Variants in NAV2 observed in about 807,000 individuals in gnomAD.
NAV2 encodes the protein helicase, APC down-regulated 1.
NAV2 carries 54 observed loss-of-function variants against 223.2 expected under a neutral mutation model. The observed-to-expected ratio is 0.24, with a 90% CI of 0.19 to 0.30. The LOEUF (loss-of-function observed/expected upper bound fraction) is 0.30, where lower values mean the gene tolerates loss of function less well. Among genes scored for constraint, NAV2 ranks in the 10% least tolerant of loss-of-function variants. NAV2 has a pLI of 1.00. For synonymous variants in NAV2, 1,279 were observed against 1,239.3 expected (o/e 1.03, Z -0.67); for missense variants, 2,806 against 3,147.5 (o/e 0.89, Z 2.60).
chr11:19,460,335 T>C, intron 1 of NAV2, among the ~76,000 whole-genome samples: 1 of 152,194 alleles, frequency 6.6e-6, no homozygotes. Context: ...TTCTGTGATT[T>C]TGGACAACTT....
intron 1 of NAV2, among the ~76,000 whole-genome samples, chr11:19,585,420 T>A (rs1230355414): frequency 6.6e-6 from 1 of 152,206 alleles, no homozygotes; most frequent in Non-Finnish European, 1.5e-5. Context: ...ATCCTGTCAT[T>A]ATGATATTAG....
chr11:19,782,247 C>G (rs2056807376), intron 1 of NAV2, among the ~76,000 whole-genome samples: 1 of 152,224 alleles, frequency 6.6e-6, no homozygotes, highest in East Asian at 1.9e-4. Flanking sequence ...GCCCTCATAG[C>G]CTTGATGTAC....
intron 3 of NAV2, among the ~76,000 whole-genome samples, chr11:19,856,071 C>G (rs377307103): frequency 1.3e-5 from 2 of 152,160 alleles, no homozygotes; most frequent in African/African-American, 4.8e-5. Flanking sequence ...TTTTTACCTA[C>G]AAAAATGGCA....
In NAV2 at chr11:20,121,160, G is replaced by C. The variant is rs2063454785; in HGVS notation, c.*2902G>C. 6.6e-6 allele frequency: 1 copy of C among 152,604 alleles called. No homozygotes were observed. The highest frequency in any genetic ancestry group is 2.4e-5 in the African/African-American group (1 of 41,438). 9.5% of individuals were successfully genotyped at this position (152,604 alleles called of 1,614,324 possible). ...TTCAAAATTCTCTGTATTCAAATTT[G>C]ATTGTGGCGAATCTACTTCAAAAAG... On this transcript the variant is annotated 3_prime_UTR_variant, in exon 38 of 38. Transcript: ENST00000349880.
intron 11 of NAV2, among the ~76,000 whole-genome samples, chr11:20,013,447 C>A (rs2053741271): frequency 1.3e-5 from 2 of 148,752 alleles, no homozygotes; most frequent in African/African-American, 2.5e-5. Context: ...AGGCAAATAC[C>A]TAGAATGAGT....
chr11:20,065,894 C>A (rs750963090), intron 20 of NAV2, among the ~76,000 whole-genome samples: 1 of 152,206 alleles, frequency 6.6e-6, no homozygotes, highest in Non-Finnish European at 1.5e-5. Flanking sequence ...TTCTGGAAAG[C>A]CCCCGTGAGA....
chr11:20,114,331 A>G (rs547554565), intron 36 of NAV2: 8 of 545,332 alleles, frequency 1.5e-5, no homozygotes, highest in African/African-American at 1.3e-4. Flanking sequence ...ACGGTGAGTC[A>G]GTGGCAGAGC....
At chr11:19,913,610 G>T (rs577880862) in intron 6 of NAV2, among the ~76,000 whole-genome samples, 1 of 152,304 alleles carries the variant, frequency 6.6e-6, no homozygotes, top group Non-Finnish European at 1.5e-5. Flanking sequence ...CCAAATTCAT[G>T]CCGTGCCTTT....
intron 10 of NAV2, among the ~76,000 whole-genome samples, chr11:19,971,351 A>G (rs561296889): frequency 6.6e-6 from 1 of 152,102 alleles, no homozygotes; most frequent in South Asian, 2.1e-4. Context: ...GTGGGATTTT[A>G]TCTTAAGACT....
At chr11:19,750,291 G>C (rs2053700798) in intron 1 of NAV2, among the ~76,000 whole-genome samples, 1 of 152,170 alleles carries the variant, frequency 6.6e-6, no homozygotes, top group African/African-American at 2.4e-5. Flanking sequence ...TTTCTAAAAT[G>C]TTGATTAAAG....
chr11:19,400,843 A>G (rs1331433339), intron 1 of NAV2, among the ~76,000 whole-genome samples: 1 of 152,138 alleles, frequency 6.6e-6, no homozygotes, highest in East Asian at 1.9e-4. Context: ...GGTTAGTTGG[A>G]CCAGCCTGAT....
At chr11:19,489,954 C>T (rs555807987) in intron 1 of NAV2, among the ~76,000 whole-genome samples, 9 of 152,236 alleles carry the variant, frequency 5.9e-5, no homozygotes, top group East Asian at 1.9e-4. Flanking sequence ...TTGGAGATAT[C>T]GCGGGTTCAG....
At chr11:20,037,149 G>A (rs2056451583) in intron 12 of NAV2, among the ~76,000 whole-genome samples, 1 of 151,968 alleles carries the variant, frequency 6.6e-6, no homozygotes, top group Non-Finnish European at 1.5e-5. Flanking sequence ...ATTTGCAGGC[G>A]CCACCCCTCC....
intron 10 of NAV2, among the ~76,000 whole-genome samples, chr11:19,964,799 C>CCTCATTCT (rs2048623987): frequency 6.8e-6 from 1 of 146,642 alleles, no homozygotes; most frequent in African/African-American, 2.5e-5. Flanking sequence ...CCACAGCTGG[C>CCTCATTCT]CTCATTCTAC....
chr11:19,479,043 C>T (rs908910625), intron 1 of NAV2, among the ~76,000 whole-genome samples: 8 of 152,024 alleles, frequency 5.3e-5, no homozygotes, highest in African/African-American at 9.7e-5. Flanking sequence ...CATGGGGTTG[C>T]CCCAGCCAGC....
intron 1 of NAV2, among the ~76,000 whole-genome samples, chr11:19,670,696 C>T (rs1005104942): frequency 6.6e-6 from 1 of 152,176 alleles, no homozygotes; most frequent in Non-Finnish European, 1.5e-5. Flanking sequence ...AAAGGAAGGC[C>T]CAGGCTTTGA....
intron 1 of NAV2, among the ~76,000 whole-genome samples, chr11:19,757,447 A>G (rs949201015): frequency 1.3e-5 from 2 of 152,206 alleles, no homozygotes; most frequent in Admixed American, 6.5e-5. Flanking sequence ...GGTGACAAGA[A>G]GAGAGTTTGA....
intron 4 of NAV2, among the ~76,000 whole-genome samples, chr11:19,870,964 T>G (rs1178240650): frequency 6.6e-6 from 1 of 152,182 alleles, no homozygotes; most frequent in Non-Finnish European, 1.5e-5. Flanking sequence ...GAAGATGTTA[T>G]AGCCCATGGA....
intron 1 of NAV2, among the ~76,000 whole-genome samples, chr11:19,666,838 G>T (rs571032739): frequency 1.3e-5 from 2 of 152,116 alleles, no homozygotes; most frequent in African/African-American, 4.8e-5. Flanking sequence ...AAAAATGCAG[G>T]TGTTTAGGTA....
Sources: gnomAD v4.1 joint callset for allele counts (sites outside exome capture counted in the v4.1 genomes callset) on GRCh38, gnomAD v4.1.1 for gene constraint, MANE v1.5 for transcripts, NCBI Gene and HGNC (gene_info 2026-07-23, HGNC 2026-07-21) for gene names.